The following PUM2 variants were observed in gnomAD, a reference collection of about 807,000 sequenced individuals.
The protein encoded by PUM2 is pumilio RNA binding family member 2.
In PUM2, 57 loss-of-function variants were observed where a neutral mutation model predicts 124.5. The ratio of observed to expected loss-of-function variants is 0.46; its 90% CI spans 0.37 to 0.57. PUM2 has a LOEUF of 0.57. Ranked by LOEUF, PUM2 falls within the 20% of genes least tolerant of loss-of-function variation. PUM2 has a pLI of 0.00. For synonymous variants in PUM2, 460 were observed against 446.1 expected (o/e 1.03, Z -0.39); for missense variants, 1,065 against 1,290.6 (o/e 0.83, Z 2.68).
At chr2:20,271,340 C>G (rs1458904879) in intron 13 of PUM2, among the ~76,000 whole-genome samples, 1 of 152,112 alleles carries the variant, frequency 6.6e-6, no homozygotes, top group Non-Finnish European at 1.5e-5. Flanking sequence ...GAGACAGGGT[C>G]TCGATCTGTC....
chr2:20,337,408 T>C (rs1429063008), intron 1 of PUM2, among the ~76,000 whole-genome samples: 3 of 152,226 alleles, frequency 2.0e-5, no homozygotes, highest in Non-Finnish European at 4.4e-5. Context: ...AAGTAAAATA[T>C]GGGTATAAAT....
intron 1 of PUM2, among the ~76,000 whole-genome samples, chr2:20,337,117 T>C (rs1270239994): frequency 6.6e-6 from 1 of 152,110 alleles, no homozygotes; most frequent in Admixed American, 6.6e-5. Context: ...TGACATAAAA[T>C]TTTGAAGCGG....
At chr2:20,338,536 C>CCTTCTCTT (rs1558680035) in intron 1 of PUM2, among the ~76,000 whole-genome samples, 1 of 152,188 alleles carries the variant, frequency 6.6e-6, no homozygotes, top group East Asian at 1.9e-4. Context: ...TCTTAATTCC[C>CCTTCTCTT]ACAGAATTTA....
rs142737734 is a variant in PUM2, at chr2:20,259,063, G to A, written c.2356-692C>T. Among the ~76,000 whole-genome samples, 29 of 152,210 alleles carry A rather than the reference G, an allele frequency of 1.9e-4. 1 individual carries two copies. The East Asian group carries it at 5.6e-3, about 29-fold the overall frequency. On this transcript the variant is annotated intron_variant, in intron 15 of 20. Transcript: ENST00000361078. Reference sequence around the variant, plus strand: ...CATCAAACTACATTCTGATATGATTGAGGAAAAAACTGTTAAAGTCATTAA... The same window carrying A: ...CATCAAACTACATTCTGATATGATTAAGGAAAAAACTGTTAAAGTCATTAA...
rs1305844587 is a variant in PUM2, at chr2:20,275,406, C to T, written c.1957+3177G>A. ...GAAAGAATCTTGCATTATTCTGACT[C>T]TTACATGAACTGTCATCAGTTGTAA... On this transcript the variant is annotated intron_variant, in intron 13 of 20. Transcript: ENST00000361078. Among the ~76,000 whole-genome samples, 3 of 151,986 alleles carry T rather than the reference C, an allele frequency of 2.0e-5. No individual in the cohort carries two copies. In the East Asian group the frequency reaches 5.8e-4, roughly 29 times the overall value.
intron 8 of PUM2, 79 bp downstream of exon 8, chr2:20,297,470 CAAAT>C: frequency 8.0e-7 from 1 of 1,255,626 alleles, no homozygotes; most frequent in Non-Finnish European, 1.0e-6. Flanking sequence ...TCAAATTGCC[CAAAT>C]AGAGAAAAAT....
In PUM2 at chr2:20,250,892, G is replaced by A. The variant is rs1412346827; in HGVS notation, c.*693C>T. The stretch of plus-strand genomic sequence containing the variant: ...ACTCTTACAACAATTACATATGTAA[G>A]TATATACAATATTTCTGTACATTGC... On this transcript the variant is annotated 3_prime_UTR_variant, in exon 21 of 21. Coordinates refer to ENST00000361078, the MANE Select transcript of PUM2 (RefSeq NM_015317.5). The A allele has an allele frequency of 1.3e-5, 2 of 152,532 alleles. No homozygotes were observed. The highest frequency in any genetic ancestry group is 2.9e-5 in the Non-Finnish European group (2 of 68,018). 9.4% of individuals were successfully genotyped at this position (152,532 alleles called of 1,614,324 possible). A position where few individuals can be genotyped will look rare whatever the true frequency, so the allele number is the denominator to read the frequency against.
intron 10 of PUM2, among the ~76,000 whole-genome samples, chr2:20,285,004 GAAAAC>G (rs1672400542): frequency 6.6e-6 from 1 of 152,174 alleles, no homozygotes; most frequent in Non-Finnish European, 1.5e-5. Flanking sequence ...AAGGCACACA[GAAAAC>G]ATTCTTGTTC....
At chr2:20,282,209 A>G (rs768892285) in intron 12 of PUM2, among the ~76,000 whole-genome samples, 10 of 152,236 alleles carry the variant, frequency 6.6e-5, no homozygotes, top group Non-Finnish European at 1.2e-4. Context: ...CAAGAAGTCA[A>G]CGTGGGCCTC....
At chr2:20,335,649 A>C (rs925002195) in intron 1 of PUM2, among the ~76,000 whole-genome samples, 2 of 152,256 alleles carry the variant, frequency 1.3e-5, no homozygotes. Flanking sequence ...TTTACTAGCA[A>C]GGCAAAAAAG....
intron 14 of PUM2, among the ~76,000 whole-genome samples, chr2:20,262,959 A>G: frequency 6.6e-6 from 1 of 152,228 alleles, no homozygotes; most frequent in Non-Finnish European, 1.5e-5. Flanking sequence ...GGGCCCTGCT[A>G]TATTCTCATC....
intron 7 of PUM2, among the ~76,000 whole-genome samples, chr2:20,303,409 G>A (rs974710495): frequency 6.8e-6 from 1 of 146,884 alleles, no homozygotes; most frequent in Non-Finnish European, 1.5e-5. Flanking sequence ...ACTTTTCTGA[G>A]ACAAACATCA....
intron 2 of PUM2, among the ~76,000 whole-genome samples, chr2:20,327,012 A>G (rs1194072335): frequency 6.6e-6 from 1 of 152,194 alleles, no homozygotes; most frequent in African/African-American, 2.4e-5. Context: ...GAACAAGGCT[A>G]AAGAGTTTTT....
chr2:20,261,028 T>C (rs913502618), intron 14 of PUM2, among the ~76,000 whole-genome samples: 2 of 152,148 alleles, frequency 1.3e-5, no homozygotes, highest in Non-Finnish European at 2.9e-5. Flanking sequence ...GGAACTGTCA[T>C]AACATCATAG....
At chr2:20,254,274 C>A (rs1276145010) in intron 19 of PUM2, among the ~76,000 whole-genome samples, 2 of 152,076 alleles carry the variant, frequency 1.3e-5, no homozygotes, top group East Asian at 3.8e-4. Flanking sequence ...GATTCTCCCA[C>A]CTCAGCCTCC....
intron 13 of PUM2, among the ~76,000 whole-genome samples, chr2:20,277,070 G>A (rs1369667865): frequency 5.3e-5 from 8 of 152,086 alleles, no homozygotes; most frequent in Admixed American, 5.2e-4. Context: ...AAGCTGTGTA[G>A]AACCTATTTA....
chr2:20,339,423 G>T (rs1355287026), intron 1 of PUM2, among the ~76,000 whole-genome samples: 1 of 152,040 alleles, frequency 6.6e-6, no homozygotes, highest in Non-Finnish European at 1.5e-5. Flanking sequence ...AGTCTTGTTT[G>T]TAAGTTTCCA....
intron 1 of PUM2, among the ~76,000 whole-genome samples, chr2:20,336,873 C>T (rs547231334): frequency 6.6e-5 from 10 of 151,638 alleles, no homozygotes; most frequent in South Asian, 6.2e-4. Context: ...CCTTCCACCT[C>T]GGCCTCCCAA....
rs1379114608 is a variant in PUM2, at chr2:20,260,427, C to T, written c.2265G>A (p.Glu755=). ...GAATTTCATTAAATACCATCTGTCG[C>T]TCAGCTGGAGTAGCTCTCTCTAGTT... The part of the protein sequence containing the change: ...QQKLERATPA[E]RQMVFNEILQ... The change falls in exon 15 of 21, where the codon GAG becomes GAA. Residue 755 remains glutamate, a synonymous_variant. Transcript: ENST00000361078. 1 of 1,610,186 alleles carries T rather than the reference C, an allele frequency of 6.2e-7. No individual in the cohort carries two copies. Among genetic ancestry groups the T allele is most frequent in the Non-Finnish European group, 8.5e-7 (1 of 1,176,762 alleles).
Sources: allele counts gnomAD v4.1 joint callset (sites outside exome capture counted in the v4.1 genomes callset), GRCh38; gene constraint gnomAD v4.1.1; transcripts MANE v1.5; gene names NCBI Gene and HGNC (gene_info 2026-07-23, HGNC 2026-07-21).